FSTL5: variants seen among roughly 807,000 people sequenced by gnomAD.
FSTL5 encodes the protein follistatin-related protein 5.
A neutral mutation model predicts 89.1 loss-of-function variants in FSTL5; 62 were observed. The observed-to-expected ratio is 0.70, with a 90% CI of 0.57 to 0.86. FSTL5 has a LOEUF of 0.86. FSTL5 is among the 40% of genes least tolerant of loss of function. FSTL5 has a pLI of 0.00. For missense variants in FSTL5, 1,057 were observed against 1,001.6 expected (o/e 1.06, Z -0.75); for synonymous variants, 383 against 346.2 (o/e 1.11, Z -1.18).
At chr4:162,111,464 A>G in intron 1 of FSTL5, 52 bp from the exon 2 acceptor site, 1 of 1,340,948 alleles carries the variant, frequency 7.5e-7, no homozygotes, top group South Asian at 1.4e-5. Flanking sequence ...ATATATTAAA[A>G]AACATGTATC....
intron 4 of FSTL5, among the ~76,000 whole-genome samples, chr4:161,792,671 CCT>C (rs1729516223): frequency 6.6e-6 from 1 of 152,130 alleles, no homozygotes; most frequent in Non-Finnish European, 1.5e-5. Context: ...TCTCCTCTCC[CCT>C]GAGGGCTGCA....
chr4:161,630,417 C>T (rs1381018005), intron 7 of FSTL5, among the ~76,000 whole-genome samples: 1 of 152,158 alleles, frequency 6.6e-6, no homozygotes, highest in African/African-American at 2.4e-5. Context: ...CAGCTCAAGC[C>T]CTTGAAAATA....
intron 3 of FSTL5, among the ~76,000 whole-genome samples, chr4:161,975,614 G>C (rs942683864): frequency 1.3e-5 from 2 of 148,484 alleles, no homozygotes; most frequent in Admixed American, 1.3e-4. Flanking sequence ...GGGGTGGGGG[G>C]AGTGGGGAGG....
At chr4:162,088,302 T>C (rs1414209794) in intron 2 of FSTL5, among the ~76,000 whole-genome samples, 1 of 152,046 alleles carries the variant, frequency 6.6e-6, no homozygotes. Flanking sequence ...ATCTTTTTTA[T>C]ACAGAAATGT....
intron 3 of FSTL5, among the ~76,000 whole-genome samples, chr4:161,988,836 T>C (rs1009708358): frequency 6.6e-6 from 1 of 152,124 alleles, no homozygotes; most frequent in Non-Finnish European, 1.5e-5. Context: ...CATTAGAGGA[T>C]TTTCAGATAA....
At chr4:161,760,160 CG>C (rs2126789995) in intron 5 of FSTL5, among the ~76,000 whole-genome samples, 1 of 152,210 alleles carries the variant, frequency 6.6e-6, no homozygotes, top group East Asian at 1.9e-4. Context: ...TCTATCCAGG[CG>C]TGAGTGAAGA....
chr4:161,907,166 A>G (rs1479564841), intron 4 of FSTL5, among the ~76,000 whole-genome samples: 1 of 152,070 alleles, frequency 6.6e-6, no homozygotes, highest in Non-Finnish European at 1.5e-5. Context: ...ATCCCACTCT[A>G]ATGTTTTACA....
At chr4:161,511,222 A>G (rs1258492429) in intron 10 of FSTL5, among the ~76,000 whole-genome samples, 1 of 152,166 alleles carries the variant, frequency 6.6e-6, no homozygotes, top group Non-Finnish European at 1.5e-5. Flanking sequence ...AATTACTTCC[A>G]GTATTTTGAC....
chr4:162,122,514 A>G (rs1731909085), intron 1 of FSTL5, among the ~76,000 whole-genome samples: 1 of 152,024 alleles, frequency 6.6e-6, no homozygotes, highest in Admixed American at 6.5e-5. Context: ...TCTTAAAACT[A>G]CAAGTTTGTT....
At chr4:161,415,977 T>C (rs539289248) in intron 15 of FSTL5, among the ~76,000 whole-genome samples, 2 of 152,028 alleles carry the variant, frequency 1.3e-5, no homozygotes. Flanking sequence ...AAATGCCATA[T>C]GGAGAAATAT....
chr4:161,769,579 CA>C (rs777899591), intron 5 of FSTL5, among the ~76,000 whole-genome samples: 5 of 151,816 alleles, frequency 3.3e-5, no homozygotes, highest in East Asian at 3.9e-4. Context: ...GAAAGAAGAG[CA>C]AAAAGCATAT....
At chr4:161,450,889 G>A (rs1416216897) in intron 15 of FSTL5, among the ~76,000 whole-genome samples, 3 of 151,612 alleles carry the variant, frequency 2.0e-5, no homozygotes, top group East Asian at 1.9e-4. Context: ...GACTACAGGC[G>A]CCCACCACCA....
chr4:161,960,235 C>T (rs963574371), intron 3 of FSTL5, among the ~76,000 whole-genome samples: 4 of 146,128 alleles, frequency 2.7e-5, no homozygotes, highest in East Asian at 2.0e-4. Flanking sequence ...GGCACAATCT[C>T]GACTCACTGC....
At chr4:161,891,359 TAAGACAA>T (rs1732982813) in intron 4 of FSTL5, among the ~76,000 whole-genome samples, 1 of 152,096 alleles carries the variant, frequency 6.6e-6, no homozygotes, top group African/African-American at 2.4e-5. Context: ...TGTTCTCCTT[TAAGACAA>T]ATGTTACTCT....
intron 15 of FSTL5, among the ~76,000 whole-genome samples, chr4:161,415,150 A>G (rs185276116): frequency 9.2e-5 from 14 of 152,346 alleles, no homozygotes; most frequent in Middle Eastern, 3.4e-3. Flanking sequence ...TCAAAACTTT[A>G]TATCATTTCA....
intron 4 of FSTL5, among the ~76,000 whole-genome samples, chr4:161,832,455 G>T (rs549612577): frequency 3.2e-4 from 48 of 152,240 alleles, no homozygotes; most frequent in African/African-American, 1.1e-3. Context: ...AGAAGGAATG[G>T]TACCAGTTCC....
chr4:162,043,003 G>A (rs962501565), intron 2 of FSTL5, among the ~76,000 whole-genome samples: 12 of 150,428 alleles, frequency 8.0e-5, no homozygotes, highest in Non-Finnish European at 1.8e-4. Context: ...GCTAGATGAC[G>A]AGTTAGTGGG....
intron 4 of FSTL5, among the ~76,000 whole-genome samples, chr4:161,892,643 A>G (rs1459884679): frequency 6.6e-6 from 1 of 152,082 alleles, no homozygotes; most frequent in Non-Finnish European, 1.5e-5. Context: ...GTATTCCATA[A>G]AAATTCAGTA....
intron 11 of FSTL5, among the ~76,000 whole-genome samples, chr4:161,504,685 G>A (rs913672385): frequency 1.3e-5 from 2 of 151,864 alleles, no homozygotes; most frequent in African/African-American, 4.8e-5. Flanking sequence ...CAAGACAGAA[G>A]TATTTCCCAG....
Sources: gnomAD v4.1 joint callset for allele counts (sites outside exome capture counted in the v4.1 genomes callset) on GRCh38, gnomAD v4.1.1 for gene constraint, MANE v1.5 for transcripts, NCBI Gene and HGNC (gene_info 2026-07-23, HGNC 2026-07-21) for gene names.